The following MAD1L1 variants were observed in gnomAD, a reference collection of about 807,000 sequenced individuals.
The protein encoded by MAD1L1 is mitotic spindle assembly checkpoint protein MAD1.
MAD1L1 carries 95 observed loss-of-function variants against 96.9 expected under a neutral mutation model. The ratio of observed to expected loss-of-function variants is 0.98; its 90% CI spans 0.83 to 1.16. The LOEUF (loss-of-function observed/expected upper bound fraction) is 1.16, where lower values mean the gene tolerates loss of function less well. MAD1L1 is among the 50% of genes most tolerant of loss of function. The pLI is 0.00. For synonymous variants in MAD1L1, 473 were observed against 396.6 expected (o/e 1.19, Z -2.29); for missense variants, 1,007 against 954.4 (o/e 1.06, Z -0.73).
intron 12 of MAD1L1, among the ~76,000 whole-genome samples, chr7:2,043,654 G>C (rs2128512496): frequency 6.6e-6 from 1 of 152,324 alleles, no homozygotes; most frequent in East Asian, 1.9e-4. Flanking sequence ...GGGGGCTGGG[G>C]ATCCAGACTG....
chr7:1,876,575 T>A (rs1030428259), intron 18 of MAD1L1, among the ~76,000 whole-genome samples: 2 of 151,994 alleles, frequency 1.3e-5, no homozygotes, highest in African/African-American at 4.8e-5. Context: ...GGGAAGAGGG[T>A]GGGATGGGCT....
At chr7:2,226,652 C>A (rs1156464635) in intron 3 of MAD1L1, among the ~76,000 whole-genome samples, 1 of 152,214 alleles carries the variant, frequency 6.6e-6, no homozygotes, top group Non-Finnish European at 1.5e-5. Context: ...CGGCACTTAA[C>A]AAATGCAGAG....
chr7:1,847,880 G>A, intron 18 of MAD1L1: 1 of 367,834 alleles, frequency 2.7e-6, no homozygotes, highest in Admixed American at 3.3e-5. Flanking sequence ...GGGTCCCTGT[G>A]ACCTGCAATG....
At chr7:1,900,503 G>T (rs1426250016) in intron 17 of MAD1L1, among the ~76,000 whole-genome samples, 2 of 152,200 alleles carry the variant, frequency 1.3e-5, no homozygotes, top group Admixed American at 6.5e-5. Context: ...CCTCCAGCAG[G>T]ACGAGGCTGG....
chr7:1,898,824 G>A (rs548827804), intron 17 of MAD1L1, among the ~76,000 whole-genome samples: 4 of 152,336 alleles, frequency 2.6e-5, no homozygotes, highest in South Asian at 4.1e-4. Context: ...CGAGAACCGC[G>A]TGAGGAGCCG....
At chr7:2,093,368 A>C (rs1305253333) in intron 11 of MAD1L1, among the ~76,000 whole-genome samples, 1 of 152,222 alleles carries the variant, frequency 6.6e-6, no homozygotes, top group African/African-American at 2.4e-5. Context: ...GACTCAGTAA[A>C]TAGTGCATGC....
chr7:2,188,929 C>T lies in MAD1L1; in HGVS notation c.986+24283G>A, dbSNP rs138725076. ...AGAATGGGAGAAAATGTTTGGAAAC[C>T]GTATCTGTAAGAGAAAAATATTCAA... is the stretch of plus-strand genomic sequence containing the variant. On this transcript the variant is annotated intron_variant, in intron 10 of 18. Coordinates refer to ENST00000265854, the MANE Select transcript of MAD1L1 (RefSeq NM_001013836.2). 3.5e-3 allele frequency among the ~76,000 whole-genome samples: 538 copies of T among 152,134 alleles called. 13 individuals are homozygous for T. Among genetic ancestry groups the T allele is most frequent in the Admixed American group, 0.032 (489 of 15,286 alleles).
intron 17 of MAD1L1, among the ~76,000 whole-genome samples, chr7:1,913,879 C>CA (rs1225997791): frequency 6.6e-6 from 1 of 152,176 alleles, no homozygotes; most frequent in African/African-American, 2.4e-5. Context: ...GCCACAGACT[C>CA]AGTCATGCCC....
At chr7:2,045,800 C>G (rs1035023168) in intron 12 of MAD1L1, among the ~76,000 whole-genome samples, 1 of 152,170 alleles carries the variant, frequency 6.6e-6, no homozygotes, top group Admixed American at 6.5e-5. Flanking sequence ...CTCAGCCAGA[C>G]AGCACTTCAG....
At chr7:1,857,670 G>A (rs1784324880) in intron 18 of MAD1L1, among the ~76,000 whole-genome samples, 1 of 152,234 alleles carries the variant, frequency 6.6e-6, no homozygotes, top group South Asian at 2.1e-4. Context: ...AGGAGGAAGA[G>A]GGGCCTTGGA....
At chr7:2,107,787 G>A (rs562697989) in intron 11 of MAD1L1, 3 of 152,226 alleles carry the variant, frequency 2.0e-5, no homozygotes, top group Non-Finnish European at 4.4e-5. Context: ...AACATTAGAG[G>A]GTATTTGAGG....
At chr7:1,916,682 G>A (rs2128453686) in intron 17 of MAD1L1, among the ~76,000 whole-genome samples, 1 of 152,272 alleles carries the variant, frequency 6.6e-6, no homozygotes, top group African/African-American at 2.4e-5. Flanking sequence ...GCGGGGAGAT[G>A]AATTCGTGTC....
intron 16 of MAD1L1, among the ~76,000 whole-genome samples, chr7:1,938,810 C>T (rs1334094537): frequency 3.4e-5 from 5 of 146,690 alleles, no homozygotes; most frequent in African/African-American, 1.0e-4. Context: ...GAGGCGCACA[C>T]ACACACACGG....
intron 16 of MAD1L1, among the ~76,000 whole-genome samples, chr7:1,955,775 G>A (rs759549812): frequency 1.6e-4 from 24 of 152,266 alleles, no homozygotes; most frequent in Non-Finnish European, 3.2e-4. Context: ...GGGGCTATAG[G>A]TGTGTTTTTA....
intron 1 of MAD1L1, among the ~76,000 whole-genome samples, chr7:2,231,864 A>C (rs1235462631): frequency 5.9e-5 from 9 of 152,058 alleles, no homozygotes; most frequent in African/African-American, 1.9e-4. Flanking sequence ...CTACTTGCAA[A>C]GTTGTGGGGA....
chr7:1,928,341 G>A (rs1270392785), intron 17 of MAD1L1, among the ~76,000 whole-genome samples: 1 of 151,570 alleles, frequency 6.6e-6, no homozygotes, highest in Non-Finnish European at 1.5e-5. Flanking sequence ...AGGAGCCCAC[G>A]ACGGAACTCC....
chr7:2,086,350 G>A (rs935481566), intron 11 of MAD1L1, among the ~76,000 whole-genome samples: 8 of 152,194 alleles, frequency 5.3e-5, no homozygotes, highest in Non-Finnish European at 1.2e-4. Context: ...CACAAAACCT[G>A]CCAAGTCCTT....
At chr7:1,847,994 T>A in intron 18 of MAD1L1, 1 of 347,462 alleles carries the variant, frequency 2.9e-6, no homozygotes, top group Non-Finnish European at 5.7e-6. Context: ...CACACTGGTT[T>A]TCAAATGAAC....
At chr7:1,931,498 A>G (rs1336886949) in intron 17 of MAD1L1, among the ~76,000 whole-genome samples, 2 of 152,188 alleles carry the variant, frequency 1.3e-5, no homozygotes, top group African/African-American at 4.8e-5. Context: ...CTTTCTCTCC[A>G]GAGTCCACCA....
Sources: allele counts gnomAD v4.1 joint callset (sites outside exome capture counted in the v4.1 genomes callset), GRCh38; gene constraint gnomAD v4.1.1; transcripts MANE v1.5; gene names NCBI Gene and HGNC (gene_info 2026-07-23, HGNC 2026-07-21).